Variants in LEPR observed in about 807,000 individuals in gnomAD.
The protein encoded by LEPR is leptin receptor.
LEPR carries 56 observed loss-of-function variants against 114.7 expected under a neutral mutation model. That is an observed-to-expected ratio of 0.49 (90% CI 0.39 to 0.61). LEPR has a LOEUF of 0.61. Among genes scored for constraint, LEPR ranks in the 20% least tolerant of loss-of-function variants. The pLI, the probability that LEPR is intolerant of heterozygous loss-of-function variation, is 0.00. For missense variants in LEPR, 1,202 were observed against 1,352.9 expected (o/e 0.89, Z 1.75); for synonymous variants, 443 against 461.4 (o/e 0.96, Z 0.51).
chr1:65,487,034 A>G (rs1410083738), intron 2 of LEPR, among the ~76,000 whole-genome samples: 2 of 152,196 alleles, frequency 1.3e-5, no homozygotes, highest in Admixed American at 1.3e-4. Context: ...CTAATATAAC[A>G]CTAATTCTTG....
intron 19 of LEPR, chr1:65,626,077 C>A: frequency 6.3e-7 from 1 of 1,575,220 alleles, no homozygotes; most frequent in Non-Finnish European, 8.7e-7. Flanking sequence ...CCCACATCAG[C>A]AAAATGCAGT....
chr1:65,422,116 C>T (rs1646263049), intron 1 of LEPR, among the ~76,000 whole-genome samples: 1 of 152,132 alleles, frequency 6.6e-6, no homozygotes, highest in Non-Finnish European at 1.5e-5. Context: ...AGCTCTAATT[C>T]CCTGGTACCT....
intron 19 of LEPR, chr1:65,635,018 C>G: frequency 1.2e-6 from 1 of 844,492 alleles, no homozygotes; most frequent in Non-Finnish European, 1.4e-6. Flanking sequence ...ATATTTTGCG[C>G]TTGGCATATT....
At chr1:65,566,431 A>T (rs760005290) in intron 3 of LEPR, among the ~76,000 whole-genome samples, 14 of 151,792 alleles carry the variant, frequency 9.2e-5, no homozygotes, top group Non-Finnish European at 1.8e-4. Context: ...CAATCTCTTG[A>T]CCTCGTGATC....
At chr1:65,555,179 G>A (rs889526678) in intron 2 of LEPR, among the ~76,000 whole-genome samples, 4 of 152,206 alleles carry the variant, frequency 2.6e-5, no homozygotes, top group African/African-American at 7.2e-5. Context: ...AGCCACCCCC[G>A]CCTGTTCTTT....
At chr1:65,482,372 T>C (rs1278348501) in intron 2 of LEPR, among the ~76,000 whole-genome samples, 3 of 152,184 alleles carry the variant, frequency 2.0e-5, no homozygotes, top group Non-Finnish European at 2.9e-5. Context: ...ATGACAAAGC[T>C]TGAAAGCTGG....
intron 2 of LEPR, among the ~76,000 whole-genome samples, chr1:65,483,553 T>C (rs1295218869): frequency 6.6e-6 from 1 of 152,132 alleles, no homozygotes. Flanking sequence ...TTAACTTATA[T>C]CAAGGCCACC....
rs1305234308 is a variant in LEPR, at chr1:65,425,353, C to T, written c.-46C>T. 2 of 1,605,812 alleles carry T rather than the reference C, an allele frequency of 1.2e-6. No individual in the cohort carries two copies. The highest frequency in any genetic ancestry group is 1.8e-5 in the Admixed American group (1 of 57,002). On this transcript the variant is annotated 5_prime_UTR_variant, in exon 2 of 20. Transcript: ENST00000349533. Reference sequence around the variant, plus strand: ...GGCTATTGGACTGACTTTTCTTATGCTGGGATGTGCCTTAGAGGATTATGG... The same window carrying T: ...GGCTATTGGACTGACTTTTCTTATGTTGGGATGTGCCTTAGAGGATTATGG...
chr1:65,573,517 TATAACTC>T (rs1654358567), intron 5 of LEPR, among the ~76,000 whole-genome samples: 1 of 152,256 alleles, frequency 6.6e-6, no homozygotes, highest in African/African-American at 2.4e-5. Flanking sequence ...GCCATATACT[TATAACTC>T]AAACAGCGAA....
rs1557711645 is a variant in LEPR, at chr1:65,639,969, T to G, written c.*2954T>G. Reference sequence around the variant, plus strand: ...AAAATAGGAGCAGTTTTTTTTTTCTTTTTAAACCTAGTCACCAAATGGTAA... The same window carrying G: ...AAAATAGGAGCAGTTTTTTTTTTCTGTTTAAACCTAGTCACCAAATGGTAA... On this transcript the variant is annotated 3_prime_UTR_variant, in exon 20 of 20. Transcript: ENST00000349533. The G allele has an allele frequency of 6.6e-6, 1 of 152,130 alleles. No individual in the cohort carries two copies. 9.4% of individuals were successfully genotyped at this position (152,130 alleles called of 1,614,324 possible). A position where few individuals can be genotyped will look rare whatever the true frequency, so the allele number is the denominator to read the frequency against.
intron 16 of LEPR, among the ~76,000 whole-genome samples, chr1:65,618,677 G>A (rs914700735): frequency 5.9e-5 from 9 of 151,614 alleles, no homozygotes; most frequent in Non-Finnish European, 5.9e-5. Context: ...TTTTATACAG[G>A]GGTTATCATA....
chr1:65,448,929 TG>T (rs1454979522), intron 2 of LEPR, among the ~76,000 whole-genome samples: 6 of 152,206 alleles, frequency 3.9e-5, no homozygotes, highest in Admixed American at 3.9e-4. Context: ...AGTCTTGGTC[TG>T]TCGCCCAGGC....
In LEPR at chr1:65,637,737, GAATAA is replaced by G. The variant is rs1307788301; in HGVS notation, c.*723_*727del. On this transcript the variant is annotated 3_prime_UTR_variant, in exon 20 of 20. Transcript: ENST00000349533. ...CCAAATGTCACTGTATATCTCTCCG[GAATAA>G]TTGTCTTCCCCCATCCCCACCTGGA... The G allele has an allele frequency of 6.6e-6, 1 of 152,188 alleles. No individual in the cohort carries two copies. Among genetic ancestry groups the G allele is most frequent in the African/African-American group, 2.4e-5 (1 of 41,420 alleles). 9.4% of individuals were successfully genotyped at this position (152,188 alleles called of 1,614,324 possible). A position where few individuals can be genotyped will look rare whatever the true frequency, so the allele number is the denominator to read the frequency against.
At chr1:65,468,749 G>A (rs1432569771) in intron 2 of LEPR, among the ~76,000 whole-genome samples, 13 of 152,212 alleles carry the variant, frequency 8.5e-5, no homozygotes, top group Admixed American at 8.5e-4. Context: ...TCGTTGGTGT[G>A]ACCTGGGTGT....
chr1:65,436,152 G>A (rs1646560113), intron 2 of LEPR: 1 of 808,024 alleles, frequency 1.2e-6, no homozygotes, highest in East Asian at 1.3e-4. Context: ...TTTGAAGCCT[G>A]TACTTGCTGT....
intron 2 of LEPR, among the ~76,000 whole-genome samples, chr1:65,507,328 G>A (rs1648782950): frequency 6.6e-6 from 1 of 151,942 alleles, no homozygotes; most frequent in Non-Finnish European, 1.5e-5. Context: ...TGGGATGATA[G>A]GTGTGAGCCA....
At chr1:65,475,006 CAA>C (rs1325552861) in intron 2 of LEPR, among the ~76,000 whole-genome samples, 891 of 23,722 alleles carry the variant, frequency 0.038, 3 homozygotes, top group African/African-American at 0.12. Flanking sequence ...GACTCCATCT[CAA>C]AAAAAAAAAA....
intron 5 of LEPR, among the ~76,000 whole-genome samples, chr1:65,586,024 A>G (rs1027485622): frequency 2.0e-5 from 3 of 152,034 alleles, no homozygotes; most frequent in African/African-American, 7.2e-5. Context: ...ATTTATAAAA[A>G]TATTGACATG....
At chr1:65,559,691 G>A (rs1205334452) in intron 2 of LEPR, among the ~76,000 whole-genome samples, 11 of 130,944 alleles carry the variant, frequency 8.4e-5, no homozygotes, top group African/African-American at 3.0e-4. Context: ...TAGGTCTAAC[G>A]TTTAAATCTT....
Sources: gnomAD v4.1 joint callset for allele counts (sites outside exome capture counted in the v4.1 genomes callset) on GRCh38, gnomAD v4.1.1 for gene constraint, MANE v1.5 for transcripts, NCBI Gene and HGNC (gene_info 2026-07-23, HGNC 2026-07-21) for gene names.